The following KRT33B variants were observed in gnomAD, a reference collection of about 807,000 sequenced individuals.
KRT33B encodes keratin, type I cuticular Ha3-II.
Under a neutral mutation model 42.7 loss-of-function variants are expected in KRT33B, and 37 were observed. The observed-to-expected ratio is 0.87, with a 90% CI of 0.67 to 1.14. The LOEUF is 1.14. KRT33B is among the 50% of genes most tolerant of loss of function. KRT33B has a pLI of 0.00. For missense variants in KRT33B, 523 were observed against 515.1 expected (o/e 1.02, Z -0.15); for synonymous variants, 237 against 221.2 (o/e 1.07, Z -0.63).
intron 2 of KRT33B, 88 bp downstream of exon 2, chr17:41,367,820 T>C: frequency 8.5e-7 from 1 of 1,175,852 alleles, no homozygotes; most frequent in African/African-American, 1.6e-5. Context: ...TAGAAATTTC[T>C]GCTTCCACAT....
At chr17:41,367,276 T>G (rs1156296185) in intron 2 of KRT33B, among the ~76,000 whole-genome samples, 1 of 151,502 alleles carries the variant, frequency 6.6e-6, no homozygotes, top group Admixed American at 6.6e-5. Flanking sequence ...CCTGTTTTTG[T>G]GGTTTAATAA....
chr17:41,366,723 G>A (rs2017706943), intron 2 of KRT33B, 97 bp from the exon 3 acceptor site: 1 of 1,225,102 alleles, frequency 8.2e-7, no homozygotes, highest in African/African-American at 1.6e-5. Flanking sequence ...ATTATATTTT[G>A]AAATATTTTG....
rs1296189711 is a variant in KRT33B at position 41,363,940 on chromosome 17, G to T, written c.1111C>A (p.Pro371Thr). The T allele has an allele frequency of 1.2e-6, 2 of 1,610,322 alleles. No homozygotes were observed. The highest frequency in any genetic ancestry group is 1.7e-6 in the Non-Finnish European group (2 of 1,178,868). The change falls in exon 7 of 7, where the codon CCC becomes ACC. Residue 371 changes from proline to threonine, a missense_variant. By Grantham distance (38) the Pro-to-Thr change is conservative (BLOSUM62 -1). Coordinates refer to ENST00000251646, the MANE Select transcript of KRT33B (RefSeq NM_002279.5). ...TCACATGCATTGGTGGTGGCGCAGG[G>T]GTTGGAGGGCAGCCTGGGATGCAGA... ...ESEDCKLPSN[P>T]CATTNACEKP...
Position 41,367,960 on chromosome 17 carries a change from GC to G in KRT33B, c.378del (p.Arg126SerfsTer44), listed in dbSNP as rs2017722633. 2 of 1,612,934 alleles carry G rather than the reference GC, an allele frequency of 1.2e-6. No homozygotes were observed. The highest frequency in any genetic ancestry group is 8.5e-7 in the Non-Finnish European group (1 of 1,180,026). ...KILCSKSENA[R>X]LVVQIDNAKL... Reference sequence around the variant, plus strand: ...TTGGCATTGTCGATCTGCACCACCAGCCTGGCATTCTCAGACTTGCTGCACA... The same window carrying G: ...TTGGCATTGTCGATCTGCACCACCAGCTGGCATTCTCAGACTTGCTGCACA... On this transcript the variant is annotated frameshift_variant, in exon 2 of 7. Coordinates refer to ENST00000251646, the MANE Select transcript of KRT33B (RefSeq NM_002279.5). LOFTEE classifies it high-confidence loss of function.
chr17:41,368,040 G>C, intron 1 of KRT33B, 50 bp from the exon 2 acceptor site: 1 of 1,549,840 alleles, frequency 6.5e-7, no homozygotes, highest in Non-Finnish European at 8.9e-7. Flanking sequence ...AATGCCTTGT[G>C]CCTTAAAGTG....
At position 41,369,407 on chromosome 17, in the gene KRT33B, T is replaced by C; in HGVS notation, c.344A>G (p.Gln115Arg). 1 of 1,612,992 alleles carries C rather than the reference T, an allele frequency of 6.2e-7. No homozygotes were observed. Among genetic ancestry groups the C allele is most frequent in the South Asian group, 1.1e-5 (1 of 91,078 alleles). ...GTGTGGTGCCCACCTCCTCACCTTC[T>C]GCTGGAGCTCCTCAATGGTCTTGAA... ...SYFKTIEELQ[Q>R]KILCSKSENA... Residue 115 changes from glutamine to arginine, a missense_variant, in exon 1 of 7, where the codon CAG becomes CGG. Coordinates refer to ENST00000251646, the MANE Select transcript of KRT33B (RefSeq NM_002279.5).
Position 41,363,739 on chromosome 17 carries a change from G to C in KRT33B, c.*97C>G. The C allele has an allele frequency of 1.3e-6, 1 of 784,460 alleles. No individual in the cohort carries two copies. The highest frequency in any genetic ancestry group is 2.2e-6 in the Non-Finnish European group (1 of 460,510). The allele number at this position is 784,460 out of a possible 1,614,324, so 48.6% of individuals were successfully genotyped here. On this transcript the variant is annotated 3_prime_UTR_variant, in exon 7 of 7. Transcript: ENST00000251646. Reference sequence around the variant, plus strand: ...GACCATGATTTGTGGTGATGCCTCGGGGTGGGGTCCGGTGGCTGATGGTTG... The same window carrying C: ...GACCATGATTTGTGGTGATGCCTCGCGGTGGGGTCCGGTGGCTGATGGTTG...
In KRT33B at chr17:41,367,926, G is replaced by C. The variant is rs769056003; in HGVS notation, c.413C>G (p.Ala138Gly). Residue 138 changes from alanine to glycine, a missense_variant, in exon 2 of 7, where the codon GCA becomes GGA. Coordinates refer to ENST00000251646, the MANE Select transcript of KRT33B (RefSeq NM_002279.5). ...VVQIDNAKLA[A>G]DDFRTKYQTE... ...ATCTTACTTGGTTCTGAAGTCATCT[G>C]CAGCCAGCTTGGCATTGTCGATCTG... The C allele has an allele frequency of 3.1e-6, 5 of 1,612,942 alleles. No individual in the cohort carries two copies. In the Admixed American group the frequency reaches 8.3e-5, roughly 27 times the overall value.
rs146349334 is a variant in KRT33B, at chr17:41,363,906, A to T, written c.1145T>A (p.Ile382Asn). 3.7e-5 allele frequency: 59 copies of T among 1,611,964 alleles called. 2 individuals carry two copies. The South Asian group carries it at 6.5e-4, about 18-fold the overall frequency. ...ACAAGGATTGGTGACACAGGATCCA[A>T]TGGGCTTTTCACATGCATTGGTGGT... ...CATTNACEKP[I>N]GSCVTNPCGP... The change falls in exon 7 of 7, where the codon ATT becomes AAT. Residue 382 changes from isoleucine (I) to asparagine (N), a missense_variant. Ile to Asn is a moderately radical substitution (Grantham distance 149). Transcript: ENST00000251646.
rs761886439 is a variant in KRT33B, at chr17:41,364,820, C to A, written c.1056G>T (p.Glu352Asp). The A allele has an allele frequency of 6.2e-7, 1 of 1,612,990 alleles. No individual in the cohort carries two copies. Among genetic ancestry groups the A allele is most frequent in the Non-Finnish European group, 8.5e-7 (1 of 1,179,990 alleles). ...CCAGCAGGCTCCGGTATGTGTTGAT[C>A]TCACACTCCAGCCGCGCCCGCACGT... ...LLDVRARLEC[E>D]INTYRSLLES... The change falls in exon 6 of 7, where the codon GAG becomes GAT. Residue 352 changes from glutamate (E) to aspartate (D), a missense_variant. Coordinates refer to ENST00000251646, the MANE Select transcript of KRT33B (RefSeq NM_002279.5).
Position 41,366,609 on chromosome 17 carries a change from G to A in KRT33B, c.449C>T (p.Ser150Phe), listed in dbSNP as rs376786426. The change falls in exon 3 of 7, where the codon TCC becomes TTC. Residue 150 changes from serine (S) to phenylalanine (F), a missense_variant. By Grantham distance (155) the Ser-to-Phe change is radical. Transcript: ENST00000251646. ...GTCGGACTCCACCAGCTGCCGCAGG[G>A]ACTGCTCCGTCTGGTACCTGCACAC... ...DFRTKYQTEQ[S>F]LRQLVESDIN... 3.1e-6 allele frequency: 5 copies of A among 1,611,244 alleles called. No homozygotes were observed. The highest frequency in any genetic ancestry group is 1.6e-4 in the Middle Eastern group (1 of 6,080).
rs1442331622 is a variant in KRT33B, at chr17:41,367,876, C to A, written c.431+32G>T. The A allele has an allele frequency of 3.1e-6, 5 of 1,597,420 alleles. No homozygotes were observed. The South Asian group carries it at 3.3e-5, about 11-fold the overall frequency. ...ACTTTGTAATTCAGCCTGTCCGTTACTAGACTGCTCTGATGGTTAGGAAAA... is the reference window on the plus strand; with the variant it reads ...ACTTTGTAATTCAGCCTGTCCGTTAATAGACTGCTCTGATGGTTAGGAAAA... On this transcript the variant is annotated intron_variant, in intron 2 of 6. Coordinates refer to ENST00000251646, the MANE Select transcript of KRT33B (RefSeq NM_002279.5).
rs553797257 is a variant in KRT33B at position 41,369,606 on chromosome 17, C to G, written c.145G>C (p.Glu49Gln). ...TTCTCGCTGCCATTGAAGGAGCCCT[C>G]GCAGAACCAGTTGCAGTTGCTCACA... ...ANVSNCNWFCEGSFNGSEKET... is the reference protein window; with the variant it reads ...ANVSNCNWFCQGSFNGSEKET... The change falls in exon 1 of 7, where the codon GAG becomes CAG. Residue 49 changes from glutamate (E) to glutamine (Q), a missense_variant. By Grantham distance (29) the Glu-to-Gln change is conservative. Transcript: ENST00000251646. The G allele has an allele frequency of 6.2e-7, 1 of 1,613,568 alleles. No individual in the cohort carries two copies. The highest frequency in any genetic ancestry group is 1.1e-5 in the South Asian group (1 of 91,064).
At position 41,369,475 on chromosome 17, in the gene KRT33B, A is replaced by G. The variant is rs9906178; in HGVS notation, c.276T>C (p.Ser92=). The change falls in exon 1 of 7, where the codon TCT becomes TCC. Residue 92 remains serine (S), a synonymous_variant. Transcript: ENST00000251646. ...AELENLIRER[S]QQQEPLLCPS... Reference sequence around the variant, plus strand: ...GGCACAGCAAGGGCTCCTGCTGCTGAGACCGCTCCCGGATGAGGTTCTCCA... The same window carrying G: ...GGCACAGCAAGGGCTCCTGCTGCTGGGACCGCTCCCGGATGAGGTTCTCCA... 1.8e-5 allele frequency: 29 copies of G among 1,608,474 alleles called. No homozygotes were observed. The highest frequency in any genetic ancestry group is 1.4e-5 in the Non-Finnish European group (17 of 1,180,012).
chr17:41,368,166 C>T (rs1029460399), intron 1 of KRT33B, among the ~76,000 whole-genome samples, 176 bp from the exon 2 acceptor site: 1 of 151,420 alleles, frequency 6.6e-6, no homozygotes, highest in Non-Finnish European at 1.5e-5. Context: ...AAAACCAGGA[C>T]AACCAATGTG....
chr17:41,366,770 G>A, intron 2 of KRT33B, 144 bp from the exon 3 acceptor site: 3 of 758,994 alleles, frequency 4.0e-6, no homozygotes, highest in Non-Finnish European at 6.1e-6. Flanking sequence ...CTCCTGTACT[G>A]AGTGAGAAGG....
chr17:41,367,159 G>A (rs1234722652), intron 2 of KRT33B, among the ~76,000 whole-genome samples: 5 of 151,466 alleles, frequency 3.3e-5, no homozygotes, highest in African/African-American at 7.4e-5. Flanking sequence ...GTAAAATTAT[G>A]TTGTAAAATG....
chr17:41,366,772 G>T, intron 2 of KRT33B, 146 bp from the exon 3 acceptor site: 1 of 758,062 alleles, frequency 1.3e-6, no homozygotes, highest in Non-Finnish European at 2.0e-6. Flanking sequence ...CCTGTACTGA[G>T]TGAGAAGGCC....
intron 1 of KRT33B, 108 bp downstream of exon 1, chr17:41,369,295 T>C: frequency 6.3e-6 from 9 of 1,425,378 alleles, no homozygotes; most frequent in Non-Finnish European, 7.6e-6. Flanking sequence ...TCTATGTCTT[T>C]ATCATTCTCA....
Sources: gnomAD v4.1 joint callset for allele counts (sites outside exome capture counted in the v4.1 genomes callset) on GRCh38, gnomAD v4.1.1 for gene constraint, MANE v1.5 for transcripts, NCBI Gene and HGNC (gene_info 2026-07-23, HGNC 2026-07-21) for gene names.